HYCC2: variants seen among roughly 807,000 people sequenced by gnomAD.
The protein encoded by HYCC2 is hyccin PI4KA lipid kinase complex subunit 2, also known as hyccin 2.
chr2:201,057,401 G>C, the HYCC2 span, among the ~76,000 whole-genome samples: 7 of 152,180 alleles, frequency 4.6e-5, no homozygotes, highest in Non-Finnish European at 7.3e-5. Context: ...TATGATAATA[G>C]AAGCAGAGAT....
the HYCC2 span, among the ~76,000 whole-genome samples, chr2:201,017,813 T>C: frequency 6.6e-6 from 1 of 152,202 alleles, no homozygotes; most frequent in Non-Finnish European, 1.5e-5. Context: ...CATTTGTAAG[T>C]GTTCTGTGGA....
the HYCC2 span, among the ~76,000 whole-genome samples, chr2:201,061,885 C>T: frequency 6.6e-6 from 1 of 152,048 alleles, no homozygotes; most frequent in Admixed American, 6.6e-5. Context: ...GCAGGCAGAT[C>T]ACTTGAGCCC....
the HYCC2 span, among the ~76,000 whole-genome samples, chr2:201,069,342 T>C: frequency 6.6e-6 from 1 of 152,140 alleles, no homozygotes; most frequent in South Asian, 2.1e-4. Flanking sequence ...TACTGAAATG[T>C]TTCATCAGAG....
the HYCC2 span, among the ~76,000 whole-genome samples, chr2:201,049,389 G>A: frequency 3.4e-4 from 51 of 151,558 alleles, no homozygotes; most frequent in African/African-American, 1.2e-3. Flanking sequence ...TCGCTCTATC[G>A]CCCAGGCTGG....
the HYCC2 span, among the ~76,000 whole-genome samples, chr2:201,070,504 T>C: frequency 1.3e-5 from 2 of 151,710 alleles, no homozygotes; most frequent in Non-Finnish European, 2.9e-5. Flanking sequence ...AATACAAAAT[T>C]AGTCGGGCGT....
the HYCC2 span, among the ~76,000 whole-genome samples, chr2:201,048,756 T>C: frequency 1.3e-5 from 2 of 152,014 alleles, no homozygotes; most frequent in Admixed American, 1.3e-4. Flanking sequence ...TTATTAGAGA[T>C]TAAAGTAATA....
chr2:201,044,632 G>T, the HYCC2 span, among the ~76,000 whole-genome samples: 1 of 152,158 alleles, frequency 6.6e-6, no homozygotes, highest in Admixed American at 6.5e-5. Context: ...TATTTTTAAA[G>T]ATCTGATAAA....
At chr2:201,040,052 T>C in the HYCC2 span, among the ~76,000 whole-genome samples, 1 of 151,874 alleles carries the variant, frequency 6.6e-6, no homozygotes, top group African/African-American at 2.4e-5. Context: ...TGGATGCCTG[T>C]AATCCCAGCT....
chr2:201,037,908 A>C, the HYCC2 span, among the ~76,000 whole-genome samples: 1 of 152,156 alleles, frequency 6.6e-6, no homozygotes, highest in East Asian at 1.9e-4. Flanking sequence ...TAATTAAACT[A>C]AAGAGCTTCT....
the HYCC2 span, among the ~76,000 whole-genome samples, chr2:201,038,432 AC>A: frequency 6.6e-6 from 1 of 152,224 alleles, no homozygotes; most frequent in African/African-American, 2.4e-5. Flanking sequence ...TGCTATAAAG[AC>A]ACATTCACAT....
the HYCC2 span, among the ~76,000 whole-genome samples, chr2:201,065,521 G>A: frequency 0.037 from 5,675 of 152,272 alleles, 143 homozygotes; most frequent in Middle Eastern, 0.088. Context: ...TGTAAATAGC[G>A]GAGCTAGGAT....
chr2:201,032,812 A>G, the HYCC2 span, among the ~76,000 whole-genome samples: 1 of 152,164 alleles, frequency 6.6e-6, no homozygotes, highest in Non-Finnish European at 1.5e-5. Flanking sequence ...GTGTGCCACT[A>G]CGCCTGGCTA....
the HYCC2 span, among the ~76,000 whole-genome samples, chr2:200,985,849 T>C: frequency 1.3e-5 from 2 of 152,192 alleles, no homozygotes; most frequent in Non-Finnish European, 1.5e-5. Flanking sequence ...TTTTGTTTCA[T>C]TTGTTTCAAA....
the HYCC2 span, among the ~76,000 whole-genome samples, chr2:201,062,044 G>A: frequency 5.3e-5 from 8 of 152,126 alleles, no homozygotes; most frequent in Non-Finnish European, 8.8e-5. Flanking sequence ...GGTCGAGGCT[G>A]CAGTGAACCA....
chr2:201,057,294 G>C, the HYCC2 span, among the ~76,000 whole-genome samples: 1 of 152,230 alleles, frequency 6.6e-6, no homozygotes, highest in Non-Finnish European at 1.5e-5. Context: ...TAAGTCAAAT[G>C]TGACCTTATG....
At chr2:200,981,095 G>C in the HYCC2 span, 1 of 723,428 alleles carries the variant, frequency 1.4e-6, no homozygotes, top group East Asian at 2.7e-5. This position sits in a 1 kb window ranked among gnomAD's most constrained non-coding sequence, Gnocchi z 4.5. Flanking sequence ...GTAGGAAAGA[G>C]GGATAAAGAA....
the HYCC2 span, among the ~76,000 whole-genome samples, chr2:201,059,433 A>C: frequency 6.6e-6 from 1 of 152,172 alleles, no homozygotes. Flanking sequence ...TGTCTTCTTC[A>C]GTAGAACAGG....
the HYCC2 span, among the ~76,000 whole-genome samples, chr2:201,005,175 G>C: frequency 6.6e-6 from 1 of 152,178 alleles, no homozygotes; most frequent in Non-Finnish European, 1.5e-5. Flanking sequence ...CTGGGGGTGA[G>C]ATACAGGTAT....
At chr2:200,981,268 A>T in the HYCC2 span, 1 of 1,611,162 alleles carries the variant, frequency 6.2e-7, no homozygotes, top group Non-Finnish European at 8.5e-7. This position sits in a 1 kb window ranked among gnomAD's most constrained non-coding sequence, Gnocchi z 4.5. Context: ...AGGATGTCAA[A>T]ACTACACCTG....
Sources: gnomAD v4.1 joint callset for allele counts (sites outside exome capture counted in the v4.1 genomes callset) on GRCh38, gnomAD v4.1.1 for gene constraint, Gnocchi (gnomAD v3.1) non-coding constraint, MANE v1.5 for transcripts, NCBI Gene and HGNC (gene_info 2026-07-23, HGNC 2026-07-21) for gene names.